MYO1E: variants seen among roughly 807,000 people sequenced by gnomAD.
MYO1E encodes the protein unconventional myosin-Ie.
In MYO1E, 68 loss-of-function variants were observed where a neutral mutation model predicts 151.1. That is an observed-to-expected ratio of 0.45 (90% CI 0.37 to 0.55). MYO1E has a LOEUF of 0.55. Ranked by LOEUF, MYO1E falls within the 20% of genes least tolerant of loss-of-function variation. The pLI is 0.00. For synonymous variants in MYO1E, 601 were observed against 501.7 expected, an observed-to-expected ratio of 1.20 and a Z score of -2.64; for missense variants, 1,363 against 1,389.3, an observed-to-expected ratio of 0.98 and a Z score of 0.30.
At position 59,148,094 on chromosome 15, in the gene MYO1E, C is replaced by T. The variant is rs1490531883; in HGVS notation, c.3080+5496G>A. Reference sequence around the variant, plus strand: ...GCATTGTGCTTTATAGCACACAAAGCCCTTATTTAACCTTCAAGAAAACCC... The same window carrying T: ...GCATTGTGCTTTATAGCACACAAAGTCCTTATTTAACCTTCAAGAAAACCC... On this transcript the variant is annotated intron_variant, in intron 26 of 27. Transcript: ENST00000288235. Among the ~76,000 whole-genome samples the T allele has an allele frequency of 5.3e-5, 8 of 152,192 alleles. No individual in the cohort carries two copies. The East Asian group carries it at 1.5e-3, about 29-fold the overall frequency.
Position 59,234,144 on chromosome 15 carries a change from T to G in MYO1E, c.421-2353A>C, listed in dbSNP as rs555357704. On this transcript the variant is annotated intron_variant, in intron 5 of 27. Coordinates refer to ENST00000288235, the MANE Select transcript of MYO1E (RefSeq NM_004998.4). ...GGACCCTTCACTCTGCAACCTTAGT[T>G]TGCTCTTTCTCTTTTCCCTGATATG... is the stretch of plus-strand genomic sequence containing the variant. Among the ~76,000 whole-genome samples the G allele has an allele frequency of 3.3e-5, 5 of 152,112 alleles. No individual in the cohort carries two copies. The South Asian group carries it at 1.0e-3, about 32-fold the overall frequency.
chr15:59,166,903 T>C (rs1461415727), intron 22 of MYO1E, among the ~76,000 whole-genome samples: 6 of 152,220 alleles, frequency 3.9e-5, no homozygotes, highest in South Asian at 2.1e-4. Context: ...GGAACACTTA[T>C]AGTAAGGCAC....
chr15:59,357,377 T>C lies in MYO1E; in HGVS notation c.3+15121A>G, dbSNP rs2080860432. ...AAGACAAAATGCACATTAGCAATTA[T>C]AAGATCTTTATAGATAAAGTGCTCA... On this transcript the variant is annotated intron_variant, in intron 1 of 27. Transcript: ENST00000288235. Among the ~76,000 whole-genome samples the C allele has an allele frequency of 2.0e-5, 3 of 151,160 alleles. No individual in the cohort carries two copies. In the South Asian group the frequency reaches 6.2e-4, roughly 31 times the overall value.
rs554831118 is a variant in MYO1E at position 59,229,498 on chromosome 15, G to A, written c.511-1908C>T. 2.6e-5 allele frequency among the ~76,000 whole-genome samples: 4 copies of A among 152,304 alleles called. No homozygotes were observed. The South Asian group carries it at 8.3e-4, about 32-fold the overall frequency. ...TTAGGACTGCTGTATAGCAGCCTGG[G>A]GGGGATGACAGGAAATTTTATAAAG... On this transcript the variant is annotated intron_variant, in intron 6 of 27. Coordinates refer to ENST00000288235, the MANE Select transcript of MYO1E (RefSeq NM_004998.4).
chr15:59,350,280 T>C lies in MYO1E; in HGVS notation c.3+22218A>G, dbSNP rs1343758493. On this transcript the variant is annotated intron_variant, in intron 1 of 27. Transcript: ENST00000288235. This position sits in a 1 kb window ranked among gnomAD's most constrained non-coding sequence, Gnocchi z 5.0. ...CCTCAGGGTGGAAGAGATCCACTGC[T>C]GCTGTCTGCTGACTCACCTTCACAC... Among the ~76,000 whole-genome samples the C allele has an allele frequency of 6.6e-6, 1 of 152,262 alleles. No homozygotes were observed. Among genetic ancestry groups the C allele is most frequent in the Non-Finnish European group, 1.5e-5 (1 of 68,042 alleles).
chr15:59,190,684 G>A (rs1176629831), intron 17 of MYO1E, among the ~76,000 whole-genome samples: 4 of 152,172 alleles, frequency 2.6e-5, no homozygotes, highest in Non-Finnish European at 5.9e-5. Context: ...TTCCTCTTCT[G>A]TAAAAACAGG....
chr15:59,149,059 T>TG (rs2079460116), intron 26 of MYO1E, among the ~76,000 whole-genome samples: 1 of 139,864 alleles, frequency 7.1e-6, no homozygotes, highest in South Asian at 2.3e-4. Flanking sequence ...TTTGTTTTTT[T>TG]TTTTTTTTTT....
At chr15:59,207,776 T>A in intron 14 of MYO1E, 4 of 1,614,156 alleles carry the variant, frequency 2.5e-6, no homozygotes, top group Non-Finnish European at 3.4e-6. Context: ...TGGAAAAATG[T>A]CCACAAAGAA....
intron 16 of MYO1E, among the ~76,000 whole-genome samples, chr15:59,199,937 G>A (rs1256186176): frequency 1.3e-5 from 2 of 152,148 alleles, no homozygotes; most frequent in Non-Finnish European, 2.9e-5. Flanking sequence ...GGCAGACAGA[G>A]GTCACAACAT....
chr15:59,261,385 A>C (rs2080223643), intron 3 of MYO1E, 35 bp downstream of exon 3: 1 of 1,459,394 alleles, frequency 6.9e-7, no homozygotes, highest in Non-Finnish European at 9.6e-7. Context: ...TAAAAGCCCT[A>C]AATAAGGCAG....
At chr15:59,248,429 G>C (rs1245681914) in intron 4 of MYO1E, among the ~76,000 whole-genome samples, 1 of 141,880 alleles carries the variant, frequency 7.0e-6, no homozygotes, top group Non-Finnish European at 1.5e-5. Flanking sequence ...GGAGGTTGCA[G>C]TGAGCCGAGA....
chr15:59,165,910 G>T (rs550930354), intron 22 of MYO1E, among the ~76,000 whole-genome samples: 5 of 152,280 alleles, frequency 3.3e-5, no homozygotes, highest in African/African-American at 1.2e-4. Flanking sequence ...GCTTTCTTTG[G>T]CATGTCTGGT....
At chr15:59,283,946 T>C (rs2080371944) in intron 1 of MYO1E, among the ~76,000 whole-genome samples, 1 of 152,366 alleles carries the variant, frequency 6.6e-6, no homozygotes, top group Middle Eastern at 3.4e-3. Context: ...GTACTTGTAT[T>C]ATCCTTTTTT....
intron 1 of MYO1E, among the ~76,000 whole-genome samples, chr15:59,323,787 G>A (rs1473162709): frequency 6.6e-6 from 1 of 152,138 alleles, no homozygotes; most frequent in Non-Finnish European, 1.5e-5. Context: ...GAAGTTAAGG[G>A]AAAATAGCAG....
At chr15:59,186,307 G>A (rs567134809) in intron 18 of MYO1E, among the ~76,000 whole-genome samples, 1 of 151,478 alleles carries the variant, frequency 6.6e-6, no homozygotes, top group South Asian at 2.1e-4. Flanking sequence ...TCTCATAGCA[G>A]AAGAAACAAC....
At chr15:59,314,575 T>C (rs2080574001) in intron 1 of MYO1E, among the ~76,000 whole-genome samples, 1 of 152,014 alleles carries the variant, frequency 6.6e-6, no homozygotes, top group Non-Finnish European at 1.5e-5. Context: ...TGGAAAGATT[T>C]AGGGACTGAG....
intron 1 of MYO1E, among the ~76,000 whole-genome samples, chr15:59,278,357 A>G (rs2080333854): frequency 6.6e-6 from 1 of 152,186 alleles, no homozygotes; most frequent in Non-Finnish European, 1.5e-5. Flanking sequence ...AGTCAAACTG[A>G]GCTTGTTTTG....
intron 1 of MYO1E, among the ~76,000 whole-genome samples, chr15:59,341,596 A>C (rs1341447866): frequency 6.6e-6 from 1 of 152,182 alleles, no homozygotes; most frequent in Non-Finnish European, 1.5e-5. Flanking sequence ...AAAATATGAA[A>C]TCTGTCTTTC....
intron 26 of MYO1E, among the ~76,000 whole-genome samples, chr15:59,150,981 T>TC (rs1555407018): frequency 1.3e-5 from 2 of 149,622 alleles, no homozygotes; most frequent in Non-Finnish European, 3.0e-5. Flanking sequence ...TACCCAAGAC[T>TC]GGGGGGTAGT....
Sources: gnomAD v4.1 joint callset for allele counts (sites outside exome capture counted in the v4.1 genomes callset) on GRCh38, gnomAD v4.1.1 for gene constraint, Gnocchi (gnomAD v3.1) non-coding constraint, MANE v1.5 for transcripts, NCBI Gene and HGNC (gene_info 2026-07-23, HGNC 2026-07-21) for gene names.